LARGE1: variants seen among roughly 807,000 people sequenced by gnomAD.
LARGE1 encodes the protein LARGE xylosyl- and glucuronyltransferase 1.
Under a neutral mutation model 87.6 loss-of-function variants are expected in LARGE1, and 43 were observed. That is an observed-to-expected ratio of 0.49 (90% CI 0.38 to 0.63). The LOEUF is 0.63. Among genes scored for constraint, LARGE1 ranks in the 30% least tolerant of loss-of-function variants. The pLI is 0.00. For synonymous variants in LARGE1, 434 were observed against 394.6 expected, an observed-to-expected ratio of 1.10 and a Z score of -1.18; for missense variants, 802 against 1,000.2, an observed-to-expected ratio of 0.80 and a Z score of 2.67.
At chr22:33,681,846 A>C (rs2081783028) in intron 2 of LARGE1, among the ~76,000 whole-genome samples, 2 of 152,262 alleles carry the variant, frequency 1.3e-5, no homozygotes, top group African/African-American at 2.4e-5. Context: ...GTCATCTTTT[A>C]GCGGAGCCCA....
intron 11 of LARGE1, among the ~76,000 whole-genome samples, chr22:33,178,023 G>A (rs1317404466): frequency 6.6e-6 from 1 of 152,168 alleles, no homozygotes; most frequent in Non-Finnish European, 1.5e-5. Context: ...ATGATTGCGA[G>A]ATTCCTGAAG....
At chr22:33,070,081 G>C in the LARGE1 span, among the ~76,000 whole-genome samples, 2 of 152,096 alleles carry the variant, frequency 1.3e-5, no homozygotes, top group East Asian at 3.9e-4. Flanking sequence ...CTCGGCCTCC[G>C]AAAGTGCTGG....
chr22:33,881,422 A>G (rs1227500976), intron 1 of LARGE1, among the ~76,000 whole-genome samples: 3 of 152,210 alleles, frequency 2.0e-5, no homozygotes, highest in Non-Finnish European at 4.4e-5. Flanking sequence ...AAACCTCATC[A>G]CCTGGAAAGG....
At chr22:33,093,215 T>C in the LARGE1 span, among the ~76,000 whole-genome samples, 1 of 152,198 alleles carries the variant, frequency 6.6e-6, no homozygotes, top group Non-Finnish European at 1.5e-5. Flanking sequence ...CTGACTTTCA[T>C]TGCTCATCTA....
chr22:33,183,578 C>T (rs1490297819), intron 11 of LARGE1, among the ~76,000 whole-genome samples: 1 of 148,762 alleles, frequency 6.7e-6, no homozygotes, highest in East Asian at 2.0e-4. Context: ...TTGAAAACAA[C>T]CTAAGTCTCT....
chr22:33,698,131 G>A (rs1187443867), intron 2 of LARGE1, among the ~76,000 whole-genome samples: 4 of 152,180 alleles, frequency 2.6e-5, no homozygotes, highest in Non-Finnish European at 5.9e-5. Flanking sequence ...GGAGTGCAAT[G>A]GTGCGATCTC....
intron 6 of LARGE1, among the ~76,000 whole-genome samples, chr22:33,464,923 ACATG>A (rs2068541552): frequency 1.3e-5 from 2 of 151,868 alleles, no homozygotes; most frequent in Non-Finnish European, 2.9e-5. Context: ...ATGCACACAT[ACATG>A]CACGTACACA....
chr22:33,812,941 C>G (rs2086542430), intron 1 of LARGE1, among the ~76,000 whole-genome samples: 2 of 152,198 alleles, frequency 1.3e-5, no homozygotes, highest in African/African-American at 4.8e-5. Flanking sequence ...ATTAATGCAA[C>G]TAGCACTGTT....
intron 11 of LARGE1, among the ~76,000 whole-genome samples, chr22:33,228,809 A>C (rs977065768): frequency 4.6e-5 from 7 of 152,180 alleles, no homozygotes; most frequent in African/African-American, 1.7e-4. Flanking sequence ...TTACAACCAC[A>C]CAGTAGGTAG....
intron 11 of LARGE1, among the ~76,000 whole-genome samples, chr22:33,220,124 A>C (rs942474208): frequency 2.0e-5 from 3 of 152,194 alleles, no homozygotes; most frequent in Admixed American, 1.3e-4. Flanking sequence ...TCCTGTGAGA[A>C]CCGCTAACCT....
At chr22:33,419,228 C>T (rs1184307581) in intron 7 of LARGE1, among the ~76,000 whole-genome samples, 3 of 152,010 alleles carry the variant, frequency 2.0e-5, no homozygotes, top group South Asian at 2.1e-4. Flanking sequence ...ACAAGTACAG[C>T]ATAGGGGAAC....
rs61016408 is a variant in LARGE1, at chr22:33,876,498, G to A, written c.-83+43497C>T. Reference sequence around the variant, plus strand: ...ACACTTATGCTTTCTGTGCTTTGCTGCTGGTATAATATGCTATACTTCTAT... The same window carrying A: ...ACACTTATGCTTTCTGTGCTTTGCTACTGGTATAATATGCTATACTTCTAT... On this transcript the variant is annotated intron_variant, in intron 1 of 14. Coordinates refer to ENST00000397394, the MANE Select transcript of LARGE1 (RefSeq NM_133642.5). 7.9e-3 allele frequency among the ~76,000 whole-genome samples: 1,152 copies of A among 145,882 alleles called. 34 individuals are homozygous for A. The East Asian group carries it at 0.13, about 17-fold the overall frequency.
intron 9 of LARGE1, among the ~76,000 whole-genome samples, chr22:33,349,886 CA>C (rs1940192122): frequency 6.6e-6 from 1 of 152,160 alleles, no homozygotes; most frequent in Admixed American, 6.5e-5. Flanking sequence ...GACAAAAACA[CA>C]TCATTATCCA....
At chr22:33,473,885 G>T (rs1478461328) in intron 6 of LARGE1, among the ~76,000 whole-genome samples, 2 of 152,194 alleles carry the variant, frequency 1.3e-5, no homozygotes, top group Non-Finnish European at 2.9e-5. Flanking sequence ...CTATGAGTAT[G>T]CGACTTTCCA....
intron 6 of LARGE1, among the ~76,000 whole-genome samples, chr22:33,501,047 T>C (rs1323173233): frequency 6.6e-6 from 1 of 152,076 alleles, no homozygotes. Flanking sequence ...GGACCCTCCA[T>C]GATTAGAACA....
At chr22:33,805,659 G>A (rs1300439157) in intron 1 of LARGE1, among the ~76,000 whole-genome samples, 2 of 152,000 alleles carry the variant, frequency 1.3e-5, no homozygotes, top group East Asian at 1.9e-4. Flanking sequence ...CCTTGAACCC[G>A]GGAGGCAGAG....
At chr22:33,418,857 C>T (rs1047597596) in intron 7 of LARGE1, among the ~76,000 whole-genome samples, 2 of 152,144 alleles carry the variant, frequency 1.3e-5, no homozygotes, top group African/African-American at 4.8e-5. Flanking sequence ...CCTTGGGGCA[C>T]AGGCAGGTCA....
chr22:33,461,313 A>G (rs5994749), intron 6 of LARGE1, among the ~76,000 whole-genome samples: 4,521 of 152,224 alleles, frequency 0.03, 222 homozygotes, highest in African/African-American at 0.1. Flanking sequence ...CAAACAAACA[A>G]ATAAAATATG....
In LARGE1 at chr22:33,898,615, G is replaced by A. The variant is rs549512899; in HGVS notation, c.-83+21380C>T. On this transcript the variant is annotated intron_variant, in intron 1 of 14. Coordinates refer to ENST00000397394, the MANE Select transcript of LARGE1 (RefSeq NM_133642.5). ...ACTAAAAATAGAAAATTAGCTGGGC[G>A]TGGTGGCACATGCCTGTAATCCCAG... is the stretch of plus-strand genomic sequence containing the variant. 5.3e-5 allele frequency among the ~76,000 whole-genome samples: 8 copies of A among 152,294 alleles called. No homozygotes were observed. In the East Asian group the frequency reaches 1.4e-3, roughly 26 times the overall value.
Sources: allele counts gnomAD v4.1 joint callset (sites outside exome capture counted in the v4.1 genomes callset), GRCh38; gene constraint gnomAD v4.1.1; transcripts MANE v1.5; gene names NCBI Gene and HGNC (gene_info 2026-07-23, HGNC 2026-07-21).